MIGA2: variants seen among roughly 807,000 people sequenced by gnomAD.
The protein encoded by MIGA2 is mitoguardin 2, also known as family with sequence similarity 73, member B.
Under a neutral mutation model 69.9 loss-of-function variants are expected in MIGA2, and 36 were observed. The ratio of observed to expected loss-of-function variants is 0.52; its 90% CI spans 0.39 to 0.68. MIGA2 has a LOEUF of 0.68. Ranked by LOEUF, MIGA2 falls within the 30% of genes least tolerant of loss-of-function variation. The pLI, the probability that MIGA2 is intolerant of heterozygous loss-of-function variation, is 0.00. For synonymous variants in MIGA2, 333 were observed against 349.2 expected, an observed-to-expected ratio of 0.95 and a Z score of 0.52; for missense variants, 660 against 787.7, an observed-to-expected ratio of 0.84 and a Z score of 1.94.
intron 6 of MIGA2, among the ~76,000 whole-genome samples, chr9:129,052,932 T>C (rs1845623241): frequency 2.6e-5 from 4 of 152,154 alleles, no homozygotes; most frequent in African/African-American, 9.7e-5. Context: ...AGGAGTGTGT[T>C]GGTGAGGGGG....
chr9:129,068,296 G>C lies in MIGA2; in HGVS notation c.1368G>C (p.Leu456=). 1 of 1,609,998 alleles carries C rather than the reference G, an allele frequency of 6.2e-7. No individual in the cohort carries two copies. Among genetic ancestry groups the C allele is most frequent in the Non-Finnish European group, 8.5e-7 (1 of 1,179,096 alleles). The change falls in exon 13 of 16, where the codon CTG becomes CTC. Residue 456 remains leucine (L), a synonymous_variant. Transcript: ENST00000684074. This position sits in a 1 kb window ranked among gnomAD's most constrained non-coding sequence, Gnocchi z 4.1. The part of the protein sequence containing the change: ...ENPPASVLAV[L]RNRWLSDSFK... ...CTCCGGCCTCGGTGCTCGCCGTCCT[G>C]CGGAACCGCTGGCTGTCAGACAGCT... is the stretch of plus-strand genomic sequence containing the variant.
In MIGA2 at chr9:129,068,815, T is replaced by G. The variant is rs1432839535; in HGVS notation, c.1405-261T>G. The stretch of plus-strand genomic sequence containing the variant: ...CCACAACCACCAAAGGAGGTGGGAG[T>G]GCTGTGTTGTGCCCCTTTACAGAAG... On this transcript the variant is annotated intron_variant, in intron 13 of 15. Coordinates refer to ENST00000684074, the MANE Select transcript of MIGA2 (RefSeq NM_001329990.2). This position sits in a 1 kb window ranked among gnomAD's most constrained non-coding sequence, Gnocchi z 4.1. 1.9e-6 allele frequency: 1 copy of G among 519,210 alleles called. No individual in the cohort carries two copies. Among genetic ancestry groups the G allele is most frequent in the Non-Finnish European group, 3.5e-6 (1 of 286,952 alleles). 32.2% of individuals were successfully genotyped at this position (519,210 alleles called of 1,614,324 possible).
At chr9:129,063,655 G>GGGGGGGGGGGGGGGCCC in intron 11 of MIGA2, 24 bp downstream of exon 11, 38 of 645,612 alleles carry the variant, frequency 5.9e-5, no homozygotes, top group Non-Finnish European at 1.0e-4. Flanking sequence ...GGGTGGGGGG[G>GGGGGGGGGGGGGGGCCC]CAAATTATAA....
At chr9:129,048,624 G>A in intron 4 of MIGA2, 85 bp downstream of exon 4, 2 of 1,019,376 alleles carry the variant, frequency 2.0e-6, no homozygotes, top group Non-Finnish European at 3.1e-6. Context: ...CTTATAGACT[G>A]GTAGAGTCCA....
In MIGA2 at chr9:129,061,220, C is replaced by A. The variant is rs541164161; in HGVS notation, c.895-11C>A. 1 of 1,605,166 alleles carries A rather than the reference C, an allele frequency of 6.2e-7. No homozygotes were observed. The highest frequency in any genetic ancestry group is 8.5e-7 in the Non-Finnish European group (1 of 1,175,564). ...GGCTTCCCTGGTCTCTTCCTCTGCA[C>A]CCTCTCCCAGCTCTTTGAGTCCCTG... On this transcript the variant is annotated splice_polypyrimidine_tract_variant and intron_variant, in intron 8 of 15. Transcript: ENST00000684074. This position sits in a 1 kb window ranked among gnomAD's most constrained non-coding sequence, Gnocchi z 5.0.
chr9:129,042,937 G>A (rs1332686342), intron 3 of MIGA2, among the ~76,000 whole-genome samples: 2 of 152,192 alleles, frequency 1.3e-5, no homozygotes, highest in African/African-American at 2.4e-5. Context: ...GCTCACGCCT[G>A]TAATCCCAGC....
chr9:129,064,450 G>T (rs1435178351), intron 11 of MIGA2, among the ~76,000 whole-genome samples: 1 of 150,340 alleles, frequency 6.7e-6, no homozygotes, highest in Non-Finnish European at 1.5e-5. Context: ...CTCGTGATCC[G>T]CCCGCCTCGG....
At chr9:129,063,655 G>GGA in intron 11 of MIGA2, 24 bp downstream of exon 11, 2 of 645,740 alleles carry the variant, frequency 3.1e-6, no homozygotes, top group Non-Finnish European at 5.8e-6. Flanking sequence ...GGGTGGGGGG[G>GGA]CAAATTATAA....
rs182254306 is a variant in MIGA2 at position 129,060,199 on chromosome 9, G to A, written c.794-351G>A. Reference sequence around the variant, plus strand: ...GTCAGAGGAGAGAGGCGATTTCCCCGGGGCCACACAGTTCAAGGTCCTCCC... The same window carrying A: ...GTCAGAGGAGAGAGGCGATTTCCCCAGGGCCACACAGTTCAAGGTCCTCCC... On this transcript the variant is annotated intron_variant, in intron 7 of 15. Coordinates refer to ENST00000684074, the MANE Select transcript of MIGA2 (RefSeq NM_001329990.2). This position sits in a 1 kb window ranked among gnomAD's most constrained non-coding sequence, Gnocchi z 4.8. Among the ~76,000 whole-genome samples the A allele has an allele frequency of 1.9e-4, 29 of 152,192 alleles. No homozygotes were observed. Among genetic ancestry groups the A allele is most frequent in the South Asian group, 1.9e-3 (9 of 4,832 alleles).
chr9:129,058,051 T>G (rs1845881861), intron 6 of MIGA2, among the ~76,000 whole-genome samples: 1 of 152,186 alleles, frequency 6.6e-6, no homozygotes, highest in East Asian at 1.9e-4. Context: ...AACAATAGGT[T>G]ATTAGTAGTT....
Position 129,042,348 on chromosome 9 carries a change from C to G in MIGA2, c.141C>G (p.Val47=). ...GGTTGACGCCAGGCCTGCGGAAAGT[C>G]CTCTTTGCCACGGCCCTGGGGACTG... The part of the protein sequence containing the change: ...QLRLTPGLRK[V]LFATALGTVA... Residue 47 remains valine (V), a synonymous_variant, in exon 3 of 16, where the codon GTC becomes GTG. Coordinates refer to ENST00000684074, the MANE Select transcript of MIGA2 (RefSeq NM_001329990.2). 1 of 1,613,242 alleles carries G rather than the reference C, an allele frequency of 6.2e-7. No homozygotes were observed. The highest frequency in any genetic ancestry group is 8.5e-7 in the Non-Finnish European group (1 of 1,180,034).
chr9:129,054,820 G>A (rs1273039419), intron 6 of MIGA2, among the ~76,000 whole-genome samples: 1 of 152,206 alleles, frequency 6.6e-6, no homozygotes, highest in Non-Finnish European at 1.5e-5. Flanking sequence ...ACAGGTTTTT[G>A]TGTGGACATA....
At chr9:129,038,121 A>G (rs535337880) in intron 1 of MIGA2, among the ~76,000 whole-genome samples, 5 of 152,304 alleles carry the variant, frequency 3.3e-5, no homozygotes, top group Non-Finnish European at 7.4e-5. Context: ...CGTGGCTTAC[A>G]GTATTAACCT....
chr9:129,059,322 G>A lies in MIGA2; in HGVS notation c.793+51G>A. The A allele has an allele frequency of 7.0e-7, 1 of 1,418,800 alleles. No homozygotes were observed. The highest frequency in any genetic ancestry group is 9.7e-7 in the Non-Finnish European group (1 of 1,030,778). The allele number at this position is 1,418,800 out of a possible 1,614,324, so 87.9% of individuals were successfully genotyped here. A position where few individuals can be genotyped will look rare whatever the true frequency, so the allele number is the denominator to read the frequency against. On this transcript the variant is annotated intron_variant, in intron 7 of 15. Coordinates refer to ENST00000684074, the MANE Select transcript of MIGA2 (RefSeq NM_001329990.2). The surrounding 1 kb of genome is among the most constrained non-coding windows in gnomAD (Gnocchi z 5.6). ...GTGGGCGTGGAGGGTGGCAGGGATG[G>A]AGGTGAGGAGAAGTTGCGAGAACCG... is the stretch of plus-strand genomic sequence containing the variant.
At chr9:129,050,184 G>A (rs1196470103) in intron 6 of MIGA2, among the ~76,000 whole-genome samples, 3 of 152,350 alleles carry the variant, frequency 2.0e-5, no homozygotes, top group East Asian at 1.9e-4. Flanking sequence ...CACCCGCCTC[G>A]ACCCTGTGAA....
chr9:129,037,432 A>G (rs1207455998), intron 1 of MIGA2, among the ~76,000 whole-genome samples: 3 of 152,194 alleles, frequency 2.0e-5, no homozygotes, highest in Admixed American at 2.0e-4. Flanking sequence ...GGCCCTACAC[A>G]GCAGTAGAAG....
rs1844607508 is a variant in MIGA2 at position 129,036,684 on chromosome 9, G to A, written c.-144+3G>A. ...CTTCCGCAGCGATGGCATCCCGGGT[G>A]AGTATCGGCCCCGGCCGAGCCCCCA... On this transcript the variant is annotated splice_donor_region_variant and intron_variant, in intron 1 of 15. Coordinates refer to ENST00000684074, the MANE Select transcript of MIGA2 (RefSeq NM_001329990.2). 1 of 164,602 alleles carries A rather than the reference G, an allele frequency of 6.1e-6. No homozygotes were observed. The highest frequency in any genetic ancestry group is 2.1e-4 in the South Asian group (1 of 4,842). The allele number at this position is 164,602 out of a possible 1,614,324, so 10.2% of individuals were successfully genotyped here.
At chr9:129,037,615 ACCT>A (rs2131332051) in intron 1 of MIGA2, among the ~76,000 whole-genome samples, 1 of 152,060 alleles carries the variant, frequency 6.6e-6, no homozygotes, top group South Asian at 2.1e-4. Context: ...TGGTGATGTT[ACCT>A]CGCACCTGCA....
At chr9:129,053,630 G>A (rs529762730) in intron 6 of MIGA2, among the ~76,000 whole-genome samples, 25 of 152,130 alleles carry the variant, frequency 1.6e-4, no homozygotes, top group Non-Finnish European at 3.2e-4. Context: ...GCCTCGCAAC[G>A]TGCTGAGATT....
Sources: gnomAD v4.1 joint callset for allele counts (sites outside exome capture counted in the v4.1 genomes callset) on GRCh38, gnomAD v4.1.1 for gene constraint, Gnocchi (gnomAD v3.1) non-coding constraint, MANE v1.5 for transcripts, NCBI Gene and HGNC (gene_info 2026-07-23, HGNC 2026-07-21) for gene names.